CCNY: variants seen among roughly 807,000 people sequenced by gnomAD.
CCNY encodes cyclin-Y.
A neutral mutation model predicts 42.8 loss-of-function variants in CCNY; 19 were observed. The observed-to-expected ratio is 0.44, with a 90% CI of 0.31 to 0.65. CCNY has a LOEUF of 0.65. Among genes scored for constraint, CCNY ranks in the 30% least tolerant of loss-of-function variants. CCNY has a pLI of 0.07. For missense variants in CCNY, 370 were observed against 437.3 expected (o/e 0.85, Z 1.37); for synonymous variants, 165 against 162.7 (o/e 1.01, Z -0.11).
chr10:35,346,642 G>GT (rs985638042), intron 1 of CCNY, among the ~76,000 whole-genome samples: 25 of 152,224 alleles, frequency 1.6e-4, no homozygotes, highest in African/African-American at 5.8e-4. Context: ...AGGTTTTACT[G>GT]TTTTTTTGAG....
At chr10:35,350,775 C>T (rs977463548) in intron 1 of CCNY, among the ~76,000 whole-genome samples, 1 of 152,178 alleles carries the variant, frequency 6.6e-6, no homozygotes, top group Admixed American at 6.5e-5. Flanking sequence ...GTCAGGTGCA[C>T]TGCTGCTGGA....
chr10:35,496,060 C>A (rs966762501), intron 2 of CCNY, among the ~76,000 whole-genome samples: 72 of 152,350 alleles, frequency 4.7e-4, no homozygotes, highest in African/African-American at 1.7e-3. Flanking sequence ...GAAACCTTTT[C>A]TTTTCAACCA....
chr10:35,255,153 C>T (rs947452487), intron 3 of CCNY, among the ~76,000 whole-genome samples: 1 of 151,940 alleles, frequency 6.6e-6, no homozygotes, highest in Admixed American at 6.6e-5. Context: ...TTTGTTAAAT[C>T]GTCTATTTCC....
chr10:35,517,392 T>TA (rs1564442976), intron 4 of CCNY, among the ~76,000 whole-genome samples: 1 of 152,220 alleles, frequency 6.6e-6, no homozygotes, highest in Non-Finnish European at 1.5e-5. Flanking sequence ...AGCTCAGTTT[T>TA]AAAAAATCTG....
intron 1 of CCNY, among the ~76,000 whole-genome samples, chr10:35,391,939 C>A (rs1177586231): frequency 6.6e-6 from 1 of 152,006 alleles, no homozygotes; most frequent in Non-Finnish European, 1.5e-5. Context: ...ATGACTGTCT[C>A]ATTGCCTGTT....
At chr10:35,372,413 A>G (rs1836957423) in intron 1 of CCNY, among the ~76,000 whole-genome samples, 1 of 152,042 alleles carries the variant, frequency 6.6e-6, no homozygotes, top group African/African-American at 2.4e-5. Flanking sequence ...TAGACGATTC[A>G]CTCTGAGTCC....
At chr10:35,368,417 T>C (rs1836856102) in intron 1 of CCNY, among the ~76,000 whole-genome samples, 1 of 152,244 alleles carries the variant, frequency 6.6e-6, no homozygotes, top group Non-Finnish European at 1.5e-5. Flanking sequence ...TTATTAGTTT[T>C]TCTAATGTAA....
At chr10:35,515,626 A>G (rs1840412558) in intron 3 of CCNY, among the ~76,000 whole-genome samples, 1 of 152,210 alleles carries the variant, frequency 6.6e-6, no homozygotes, top group Non-Finnish European at 1.5e-5. Context: ...AATGACACTT[A>G]GACATTCAAC....
At chr10:35,492,748 G>A (rs950326872) in intron 2 of CCNY, among the ~76,000 whole-genome samples, 3 of 152,250 alleles carry the variant, frequency 2.0e-5, no homozygotes, top group Non-Finnish European at 4.4e-5. Flanking sequence ...CAGACTTGCC[G>A]TGGCACGGTG....
At chr10:35,352,659 G>A (rs1199825764) in intron 1 of CCNY, among the ~76,000 whole-genome samples, 2 of 152,230 alleles carry the variant, frequency 1.3e-5, no homozygotes, top group African/African-American at 4.8e-5. Context: ...TGGACCTTGC[G>A]CTTAAGGACA....
chr10:35,535,153 G>T (rs1350688440), intron 7 of CCNY, among the ~76,000 whole-genome samples: 6 of 151,786 alleles, frequency 4.0e-5, no homozygotes, highest in African/African-American at 1.5e-4. Context: ...GGGTCAGGGG[G>T]CTCCTTGCTT....
chr10:35,437,365 G>T (rs10740911), intron 1 of CCNY, among the ~76,000 whole-genome samples: 109,477 of 152,098 alleles, frequency 0.72, 39,795 homozygotes, highest in African/African-American at 0.82. Flanking sequence ...AGAACACTTT[G>T]CAATAAATTA....
chr10:35,251,038 A>C (rs1433504160), intron 3 of CCNY: 1 of 152,134 alleles, frequency 6.6e-6, no homozygotes, highest in Non-Finnish European at 1.5e-5. Context: ...ATTCCCATTC[A>C]AATTCGAATA....
At chr10:35,344,779 T>C (rs1002553847) in intron 1 of CCNY, among the ~76,000 whole-genome samples, 4 of 151,920 alleles carry the variant, frequency 2.6e-5, no homozygotes, top group African/African-American at 9.7e-5. Context: ...CCTGTGTCCA[T>C]GTGTTCTCAT....
At chr10:35,471,256 G>A (rs1468413810) in intron 1 of CCNY, among the ~76,000 whole-genome samples, 1 of 152,144 alleles carries the variant, frequency 6.6e-6, no homozygotes, top group Non-Finnish European at 1.5e-5. Flanking sequence ...GGGGATGCGA[G>A]GGGCTTGCGA....
At chr10:35,555,041 T>G (rs2135453306) in intron 8 of CCNY, among the ~76,000 whole-genome samples, 1 of 152,362 alleles carries the variant, frequency 6.6e-6, no homozygotes, top group African/African-American at 2.4e-5. Flanking sequence ...GAAATGTTTA[T>G]AAAATATTTG....
At chr10:35,347,415 A>C (rs898355022) in intron 1 of CCNY, 51 of 982,424 alleles carry the variant, frequency 5.2e-5, no homozygotes, top group Non-Finnish European at 5.8e-5. Context: ...CTCTGATTAT[A>C]GACCTTCTGA....
rs1304043126 is a variant in CCNY at position 35,376,861 on chromosome 10, C to T, written c.154+39654C>T. 2.0e-5 allele frequency among the ~76,000 whole-genome samples: 3 copies of T among 152,048 alleles called. No individual in the cohort carries two copies. The East Asian group carries it at 5.8e-4, about 29-fold the overall frequency. ...CCAGAACAGGGAAATCTAATAGAGA[C>T]AGGAAGTAGGTTAGTAGTTGCCAGA... On this transcript the variant is annotated intron_variant, in intron 1 of 9. Transcript: ENST00000374704.
intron 3 of CCNY, among the ~76,000 whole-genome samples, chr10:35,511,385 C>G (rs1840322222): frequency 6.6e-6 from 1 of 152,114 alleles, no homozygotes; most frequent in Non-Finnish European, 1.5e-5. Flanking sequence ...ATAGAACACA[C>G]AGAGGGGTAC....
Sources: allele counts gnomAD v4.1 joint callset (sites outside exome capture counted in the v4.1 genomes callset), GRCh38; gene constraint gnomAD v4.1.1; transcripts MANE v1.5; gene names NCBI Gene and HGNC (gene_info 2026-07-23, HGNC 2026-07-21).